The following CTBP1 variants were observed in gnomAD, a reference collection of about 807,000 sequenced individuals.
CTBP1 encodes the protein C-terminal binding protein 1, also known as C-terminal-binding protein 1.
In CTBP1, 11 loss-of-function variants were observed where a neutral mutation model predicts 42.1. The ratio of observed to expected loss-of-function variants is 0.26; its 90% CI spans 0.16 to 0.43. CTBP1 has a LOEUF of 0.43. Ranked by LOEUF, CTBP1 falls within the 20% of genes least tolerant of loss-of-function variation. The probability of loss-of-function intolerance (pLI) is 1.00; values close to 1 mark genes in which losing one functional copy is unlikely to be tolerated. For synonymous variants in CTBP1, 324 were observed against 277.1 expected, an observed-to-expected ratio of 1.17 and a Z score of -1.68; for missense variants, 399 against 624.3, an observed-to-expected ratio of 0.64 and a Z score of 3.85.
At chr4:1,241,558 G>A (rs766116838) in intron 1 of CTBP1, 39 bp from the exon 2 acceptor site, 24 of 1,537,622 alleles carry the variant, frequency 1.6e-5, no homozygotes, top group East Asian at 7.2e-5. Context: ...AAATGCCATC[G>A]AAGGTCCGAC....
chr4:1,220,980 C>G (rs1228599987), intron 5 of CTBP1, among the ~76,000 whole-genome samples: 1 of 152,246 alleles, frequency 6.6e-6, no homozygotes, highest in African/African-American at 2.4e-5. Context: ...TTCATAAAAA[C>G]TGAAAACGTG....
chr4:1,230,776 C>T (rs959241511), intron 3 of CTBP1, among the ~76,000 whole-genome samples: 2 of 152,250 alleles, frequency 1.3e-5, no homozygotes, highest in Non-Finnish European at 1.5e-5. Flanking sequence ...AATATTCATC[C>T]GCGCAGCCTT....
chr4:1,235,621 C>G lies in CTBP1; in HGVS notation c.162+2562G>C, dbSNP rs1352333112. 1 of 152,236 alleles carries G rather than the reference C, an allele frequency of 6.6e-6. No homozygotes were observed. Among genetic ancestry groups the G allele is most frequent in the African/African-American group, 2.4e-5 (1 of 41,430 alleles). The allele number at this position is 152,236 out of a possible 1,614,324, so 9.4% of individuals were successfully genotyped here. On this transcript the variant is annotated intron_variant, in intron 3 of 9. Coordinates refer to ENST00000382952, the MANE Select transcript of CTBP1 (RefSeq NM_001012614.2). The surrounding 1 kb of genome is among the most constrained non-coding windows in gnomAD (Gnocchi z 4.2). ...TCCCCTAACGCTGCTACGCCCCGTT[C>G]CAGAGTCATCAGCTCTTCGTCGGTG...
intron 5 of CTBP1, among the ~76,000 whole-genome samples, chr4:1,222,430 G>A (rs1406228564): frequency 6.6e-6 from 1 of 152,158 alleles, no homozygotes; most frequent in Admixed American, 6.5e-5. Flanking sequence ...CGAGAGCGAG[G>A]GAAGCAGCTG....
chr4:1,215,055 C>A (rs538287997), intron 6 of CTBP1, among the ~76,000 whole-genome samples: 1 of 152,352 alleles, frequency 6.6e-6, no homozygotes, highest in South Asian at 2.1e-4. Flanking sequence ...GTCCACCCAG[C>A]CACGGTGCTT....
intron 4 of CTBP1, among the ~76,000 whole-genome samples, chr4:1,227,864 C>T (rs1279423922): frequency 2.0e-5 from 3 of 152,232 alleles, no homozygotes; most frequent in African/African-American, 7.2e-5. Context: ...GACCTATGAG[C>T]CCTATTACAG....
chr4:1,240,733 T>C (rs947466953), intron 2 of CTBP1, among the ~76,000 whole-genome samples: 50 of 152,064 alleles, frequency 3.3e-4, no homozygotes, highest in Non-Finnish European at 8.8e-5. Flanking sequence ...CCAAGGTGCC[T>C]CCTCACATCA....
At chr4:1,247,207 GGAA>G (rs953671241) in intron 1 of CTBP1, among the ~76,000 whole-genome samples, 5 of 152,262 alleles carry the variant, frequency 3.3e-5, no homozygotes, top group Non-Finnish European at 7.3e-5. Flanking sequence ...AAGGCTGACA[GGAA>G]GAAGTGCATG....
In CTBP1 at chr4:1,238,434, G is replaced by T; in HGVS notation, c.8-97C>A. 3 of 1,399,932 alleles carry T rather than the reference G, an allele frequency of 2.1e-6. No individual in the cohort carries two copies. The highest frequency in any genetic ancestry group is 2.9e-5 in the South Asian group (2 of 68,154). The allele number at this position is 1,399,932 out of a possible 1,614,324, so 86.7% of individuals were successfully genotyped here. A position where few individuals can be genotyped will look rare whatever the true frequency, so the allele number is the denominator to read the frequency against. On this transcript the variant is annotated intron_variant, in intron 2 of 9. Transcript: ENST00000382952. This position sits in a 1 kb window ranked among gnomAD's most constrained non-coding sequence, Gnocchi z 5.9. ...CACTGTGCACGGGCCAACGAGGGCC[G>T]ACCGCCGGGGGTTTTCTGGTCTATA...
intron 1 of CTBP1, 76 bp downstream of exon 1, chr4:1,248,840 G>T (rs1385619831): frequency 2.3e-6 from 2 of 887,456 alleles, no homozygotes; most frequent in East Asian, 2.6e-4. Flanking sequence ...GTCCGCCCCC[G>T]CGCCCCCCGC....
chr4:1,239,841 C>A (rs887803827), intron 2 of CTBP1, among the ~76,000 whole-genome samples: 1 of 152,232 alleles, frequency 6.6e-6, no homozygotes, highest in African/African-American at 2.4e-5. Context: ...ACGGTCAAAA[C>A]CGCGTCCTGG....
intron 6 of CTBP1, among the ~76,000 whole-genome samples, chr4:1,215,354 C>G (rs1401120008): frequency 1.3e-5 from 2 of 152,256 alleles, no homozygotes; most frequent in Non-Finnish European, 2.9e-5. Context: ...TACAAACATG[C>G]AGACACATGC....
chr4:1,215,681 A>G lies in CTBP1; in HGVS notation c.729+310T>C, dbSNP rs1235504810. On this transcript the variant is annotated intron_variant, in intron 6 of 9. Coordinates refer to ENST00000382952, the MANE Select transcript of CTBP1 (RefSeq NM_001012614.2). Reference sequence around the variant, plus strand: ...CACGGAAGTCACAAGGGCCGACCCAACGCCCCCAGGTAGCTGCATCTGTCC... The same window carrying G: ...CACGGAAGTCACAAGGGCCGACCCAGCGCCCCCAGGTAGCTGCATCTGTCC... 5.9e-5 allele frequency: 25 copies of G among 425,594 alleles called. No individual in the cohort carries two copies. In the East Asian group the frequency reaches 1.2e-3, roughly 21 times the overall value. The allele number at this position is 425,594 out of a possible 1,614,324, so 26.4% of individuals were successfully genotyped here. A position where few individuals can be genotyped will look rare whatever the true frequency, so the allele number is the denominator to read the frequency against.
intron 5 of CTBP1, among the ~76,000 whole-genome samples, chr4:1,224,577 G>A (rs755149517): frequency 2.0e-5 from 3 of 151,928 alleles, no homozygotes; most frequent in Non-Finnish European, 4.4e-5. Context: ...TGACATCCGT[G>A]TGTGATGTCT....
At chr4:1,212,447 G>A (rs1407793021) in intron 9 of CTBP1, 24 bp from the exon 10 acceptor site, 1 of 1,417,904 alleles carries the variant, frequency 7.1e-7, no homozygotes, top group African/African-American at 1.5e-5. Context: ...GTCCATCCGT[G>A]AGGCCCACCT....
intron 4 of CTBP1, among the ~76,000 whole-genome samples, chr4:1,227,423 C>T (rs375154404): frequency 8.0e-6 from 1 of 125,738 alleles, no homozygotes. Flanking sequence ...GCTGAGTGTG[C>T]GTGATCCGTG....
intron 1 of CTBP1, among the ~76,000 whole-genome samples, chr4:1,247,638 G>A (rs1392730874): frequency 6.6e-6 from 1 of 152,146 alleles, no homozygotes; most frequent in East Asian, 1.9e-4. Context: ...GTACACAGAC[G>A]CGCAAAGGCC....
chr4:1,245,613 T>G (rs1732635911), intron 1 of CTBP1: 1 of 972,826 alleles, frequency 1.0e-6, no homozygotes, highest in African/African-American at 1.9e-5. Flanking sequence ...GAGGGCAGGG[T>G]GACACGGGCG....
Position 1,238,201 on chromosome 4 carries a change from C to G in CTBP1, c.144G>C (p.Thr48=). 1.9e-6 allele frequency: 3 copies of G among 1,612,998 alleles called. No homozygotes were observed. Among genetic ancestry groups the G allele is most frequent in the Non-Finnish European group, 2.5e-6 (3 of 1,179,900 alleles). The change falls in exon 3 of 10, where the codon ACG becomes ACC. Residue 48 remains threonine, a synonymous_variant. Transcript: ENST00000382952. This position sits in a 1 kb window ranked among gnomAD's most constrained non-coding sequence, Gnocchi z 5.9. ...ATVAFCDAQS[T]QEIHEKVLNE... is the part of the protein sequence containing the mutation. ...GTGGTACCTTCTCATGGATCTCCTG[C>G]GTGGACTGCGCGTCGCAGAAGGCCA...
Sources: gnomAD v4.1 joint callset for allele counts (sites outside exome capture counted in the v4.1 genomes callset) on GRCh38, gnomAD v4.1.1 for gene constraint, Gnocchi (gnomAD v3.1) non-coding constraint, MANE v1.5 for transcripts, NCBI Gene and HGNC (gene_info 2026-07-23, HGNC 2026-07-21) for gene names.